NDUFS7: variants seen among roughly 807,000 people sequenced by gnomAD.
NDUFS7 encodes the protein NADH dehydrogenase [ubiquinone] iron-sulfur protein 7, mitochondrial.
A neutral mutation model predicts 31.1 loss-of-function variants in NDUFS7; 11 were observed. The ratio of observed to expected loss-of-function variants is 0.35; its 90% CI spans 0.22 to 0.59. The LOEUF (loss-of-function observed/expected upper bound fraction) is 0.59, where lower values mean the gene tolerates loss of function less well. Among genes scored for constraint, NDUFS7 ranks in the 20% least tolerant of loss-of-function variants. The pLI is 0.79. For synonymous variants in NDUFS7, 136 were observed against 127.9 expected (o/e 1.06, Z -0.43); for missense variants, 263 against 324.2 (o/e 0.81, Z 1.45).
In NDUFS7 at chr19:1,393,127, C is replaced by T; in HGVS notation, c.456-115C>T. 10 of 801,134 alleles carry T rather than the reference C, an allele frequency of 1.2e-5. No individual in the cohort carries two copies. In the South Asian group the frequency reaches 1.5e-4, roughly 12 times the overall value. 49.6% of individuals were successfully genotyped at this position (801,134 alleles called of 1,614,324 possible). The stretch of plus-strand genomic sequence containing the variant: ...ATTGCTTCTCCGTGACAAGTTCCAG[C>T]CTCGTAGGTGCCTGGCCTGCAGTTG... On this transcript the variant is annotated intron_variant, in intron 6 of 7. Coordinates refer to ENST00000233627, the MANE Select transcript of NDUFS7 (RefSeq NM_024407.5). This position sits in a 1 kb window ranked among gnomAD's most constrained non-coding sequence, Gnocchi z 7.3.
chr19:1,384,169 G>A, intron 1 of NDUFS7: 2 of 544,610 alleles, frequency 3.7e-6, no homozygotes, highest in East Asian at 3.4e-5. Context: ...AGGTCATGAC[G>A]CAAGCCTCCA....
intron 4 of NDUFS7, chr19:1,389,221 ACATGCACACTTGCACT>A (rs1568989906): frequency 1.5e-6 from 1 of 671,074 alleles, no homozygotes; most frequent in Admixed American, 2.1e-5. Context: ...ACACATACAC[ACATGCACACTTGCACT>A]CATGCACACT....
chr19:1,389,283 ACACACGTG>A (rs1568990250), intron 4 of NDUFS7: 1 of 584,966 alleles, frequency 1.7e-6, no homozygotes, highest in African/African-American at 1.8e-5. Context: ...GCACACTCGC[ACACACGTG>A]CACATATATG....
rs768892512 is a variant in NDUFS7, at chr19:1,390,909, C to A, written c.267C>A (p.Cys89Ter). 1 of 1,611,256 alleles carries A rather than the reference C, an allele frequency of 6.2e-7. No homozygotes were observed. Among genetic ancestry groups the A allele is most frequent in the South Asian group, 1.1e-5 (1 of 91,056 alleles). Residue 89 changes from cysteine (C) to a stop codon, truncating the protein, a stop_gained, in exon 5 of 8, where the codon TGC (cysteine) becomes TGA (stop). Transcript: ENST00000233627. LOFTEE classifies it high-confidence loss of function. ...CCATGACCTTCGGCCTGGCCTGCTGCGCCGTGGAGATGATGCACATGGCAG... is the reference window on the plus strand; with the variant it reads ...CCATGACCTTCGGCCTGGCCTGCTGAGCCGTGGAGATGATGCACATGGCAG... ...LWPMTFGLAC[C>*]AVEMMHMAAP...
intron 7 of NDUFS7, chr19:1,394,582 C>CG (rs2082581692): frequency 1.6e-6 from 2 of 1,219,404 alleles, no homozygotes; most frequent in African/African-American, 3.5e-5. Flanking sequence ...CCCTGCGGAC[C>CG]GCGCTCGGCC....
intron 4 of NDUFS7, 186 bp downstream of exon 4, chr19:1,389,124 TCACGCACAC>T (rs1568989342): frequency 2.8e-6 from 2 of 706,956 alleles, no homozygotes; most frequent in African/African-American, 3.6e-5. Context: ...ACACGCACAC[TCACGCACAC>T]AATGCACATA....
chr19:1,388,160 C>T (rs2082522335), intron 2 of NDUFS7: 1 of 588,632 alleles, frequency 1.7e-6, no homozygotes, highest in Non-Finnish European at 3.0e-6. Flanking sequence ...CTGGGGCAGG[C>T]CTCCTGCAGA....
intron 4 of NDUFS7, chr19:1,389,358 C>G (rs1206816781): frequency 2.1e-6 from 1 of 474,900 alleles, no homozygotes. Flanking sequence ...CTTGTGTGGA[C>G]ACATGCATGT....
In NDUFS7 at chr19:1,391,222, C is replaced by G; in HGVS notation, c.455+57C>G. On this transcript the variant is annotated intron_variant, in intron 6 of 7. Transcript: ENST00000233627. ...GACGTAGCGTGAGTGCTGGCCTGGC[C>G]GTGCCCTGATGGCGCTTATCAAAAG... The G allele has an allele frequency of 1.9e-6, 3 of 1,582,686 alleles. No individual in the cohort carries two copies. In the South Asian group the frequency reaches 3.4e-5, roughly 18 times the overall value.
chr19:1,387,910 G>GC lies in NDUFS7; in HGVS notation c.53+64dup. ...CCTTCAGCAGCGACAGACGAACGGG[G>GC]CGGGGGGGGTGGGGGGTGGGGGGAG... On this transcript the variant is annotated intron_variant, in intron 2 of 7. Coordinates refer to ENST00000233627, the MANE Select transcript of NDUFS7 (RefSeq NM_024407.5). 9.1e-6 allele frequency: 4 copies of GC among 440,140 alleles called. 1 individual carries two copies. Among genetic ancestry groups the GC allele is most frequent in the East Asian group, 1.2e-4 (2 of 16,028 alleles). The allele number at this position is 440,140 out of a possible 1,614,324, so 27.3% of individuals were successfully genotyped here. A position where few individuals can be genotyped will look rare whatever the true frequency, so the allele number is the denominator to read the frequency against.
intron 7 of NDUFS7, chr19:1,394,938 G>A: frequency 1.8e-6 from 2 of 1,118,556 alleles, no homozygotes; most frequent in Non-Finnish European, 2.2e-6. Flanking sequence ...CAGAAAGAGG[G>A]TCATCGGGTC....
At chr19:1,387,641 G>C (rs1329949858) in intron 1 of NDUFS7, 170 bp from the exon 2 acceptor site, 5 of 670,532 alleles carry the variant, frequency 7.5e-6, no homozygotes, top group Non-Finnish European at 1.4e-5. Flanking sequence ...AGGGGACTAA[G>C]ACTCTCTCGT....
chr19:1,394,971 G>T (rs759868943), intron 7 of NDUFS7: 4 of 1,118,628 alleles, frequency 3.6e-6, no homozygotes, highest in African/African-American at 1.7e-5. Context: ...CCGGGCTCTG[G>T]GCCACCTCCC....
intron 4 of NDUFS7, chr19:1,390,334 A>G (rs2144618517): frequency 5.3e-6 from 1 of 190,040 alleles, no homozygotes; most frequent in South Asian, 9.9e-5. Context: ...TGACCCTGTC[A>G]CCCGCCAACA....
intron 6 of NDUFS7, chr19:1,392,786 T>C (rs1437672054): frequency 4.3e-6 from 1 of 233,598 alleles, no homozygotes; most frequent in Non-Finnish European, 8.6e-6. Flanking sequence ...TGGGAAGCAG[T>C]GCTGGGAGTG....
chr19:1,388,623 C>A (rs867795397), intron 3 of NDUFS7, 30 bp downstream of exon 3: 1 of 1,597,532 alleles, frequency 6.3e-7, no homozygotes, highest in Admixed American at 1.7e-5. Context: ...GGAGGTCGTA[C>A]CCCCTCGCCC....
intron 1 of NDUFS7, among the ~76,000 whole-genome samples, chr19:1,385,260 A>T (rs2082499920): frequency 6.6e-6 from 1 of 152,250 alleles, no homozygotes; most frequent in Non-Finnish European, 1.5e-5. Flanking sequence ...CACGCCTGTA[A>T]TCCCAGCACT....
At chr19:1,395,215 C>A in intron 7 of NDUFS7, 176 bp from the exon 8 acceptor site, 2 of 1,429,894 alleles carry the variant, frequency 1.4e-6, no homozygotes, top group Non-Finnish European at 1.8e-6. Context: ...ACTCTTCCTG[C>A]AGGGACCTCC....
intron 4 of NDUFS7, chr19:1,389,311 G>GCACACACATGCACACT (rs775613620): frequency 2.1e-6 from 1 of 477,152 alleles, no homozygotes; most frequent in Non-Finnish European, 4.1e-6. Context: ...GCACAGTCAT[G>GCACACACATGCACACT]CACACACATG....
Sources: allele counts gnomAD v4.1 joint callset (sites outside exome capture counted in the v4.1 genomes callset), GRCh38; gene constraint gnomAD v4.1.1; non-coding constraint Gnocchi (gnomAD v3.1); transcripts MANE v1.5; gene names NCBI Gene and HGNC (gene_info 2026-07-23, HGNC 2026-07-21).